The following CPA6 variants were observed in gnomAD, a reference collection of about 807,000 sequenced individuals.
The protein encoded by CPA6 is carboxypeptidase B.
CPA6 carries 58 observed loss-of-function variants against 63.3 expected under a neutral mutation model. The observed-to-expected ratio is 0.92, with a 90% CI of 0.74 to 1.14. The LOEUF (loss-of-function observed/expected upper bound fraction) is 1.14. CPA6 is among the 50% of genes most tolerant of loss of function. The pLI is 0.00. For synonymous variants in CPA6, 185 were observed against 179.0 expected, an observed-to-expected ratio of 1.03 and a Z score of -0.27; for missense variants, 565 against 526.6, an observed-to-expected ratio of 1.07 and a Z score of -0.71.
intron 1 of CPA6, among the ~76,000 whole-genome samples, chr8:67,705,458 G>T (rs1279050575): frequency 6.6e-6 from 1 of 152,134 alleles, no homozygotes; most frequent in African/African-American, 2.4e-5. Context: ...CCAGGTAATG[G>T]GGGCAAATGG....
chr8:67,533,930 G>T (rs1279660387), intron 2 of CPA6, among the ~76,000 whole-genome samples: 1 of 152,192 alleles, frequency 6.6e-6, no homozygotes, highest in Non-Finnish European at 1.5e-5. Context: ...ATCCTATGTA[G>T]GGCAAGCCAC....
chr8:67,592,523 C>A (rs985726968), intron 2 of CPA6, among the ~76,000 whole-genome samples: 1 of 151,402 alleles, frequency 6.6e-6, no homozygotes, highest in Non-Finnish European at 1.5e-5. Flanking sequence ...GTCCTGGACT[C>A]TTTTTGGTTG....
chr8:67,693,327 G>A (rs1473303062), intron 1 of CPA6, among the ~76,000 whole-genome samples: 1 of 152,196 alleles, frequency 6.6e-6, no homozygotes, highest in African/African-American at 2.4e-5. Context: ...TCCCCTAAGT[G>A]TATAAACTAC....
chr8:67,684,055 A>T lies in CPA6; in HGVS notation c.117-59804T>A, dbSNP rs866246986. 3.3e-3 allele frequency among the ~76,000 whole-genome samples: 424 copies of T among 127,564 alleles called. 3 individuals carry two copies. Among genetic ancestry groups the T allele is most frequent in the Admixed American group, 5.0e-3 (63 of 12,592 alleles). The allele number at this position is 127,564 out of a possible 152,430, so 83.7% of individuals were successfully genotyped here. On this transcript the variant is annotated intron_variant, in intron 1 of 10. Transcript: ENST00000297770. ...TAATTTTTATTTTATTTATTTATTTATTTTTTTTTTTTGTAGAGATGGGGT... is the reference window on the plus strand; with the variant it reads ...TAATTTTTATTTTATTTATTTATTTTTTTTTTTTTTTTGTAGAGATGGGGT...
At chr8:67,422,729 TAAAG>T in intron 10 of CPA6, 38 bp from the exon 11 acceptor site, 5 of 1,505,348 alleles carry the variant, frequency 3.3e-6, no homozygotes, top group Non-Finnish European at 4.5e-6. Flanking sequence ...TCAGCCTCAC[TAAAG>T]AGTCAGTATA....
chr8:67,563,289 C>T (rs183249463), intron 2 of CPA6, among the ~76,000 whole-genome samples: 1 of 152,108 alleles, frequency 6.6e-6, no homozygotes, highest in Non-Finnish European at 1.5e-5. Flanking sequence ...GAGACAGCTG[C>T]CTGGGTTGCA....
intron 1 of CPA6, among the ~76,000 whole-genome samples, chr8:67,670,950 T>C (rs559473573): frequency 6.6e-6 from 1 of 152,350 alleles, no homozygotes; most frequent in Non-Finnish European, 1.5e-5. Flanking sequence ...GTGTTAATAA[T>C]TCATCTGTAG....
intron 8 of CPA6, among the ~76,000 whole-genome samples, chr8:67,455,245 G>T (rs113670034): frequency 0.035 from 5,401 of 152,190 alleles, 291 homozygotes; most frequent in African/African-American, 0.12. Flanking sequence ...GCATCACGAA[G>T]CAGCGCAGTG....
chr8:67,577,487 A>G (rs919509644), intron 2 of CPA6, among the ~76,000 whole-genome samples: 1 of 152,164 alleles, frequency 6.6e-6, no homozygotes, highest in African/African-American at 2.4e-5. Flanking sequence ...CACTACTCCC[A>G]TATACTGATT....
At chr8:67,734,041 C>G (rs1817767237) in intron 1 of CPA6, among the ~76,000 whole-genome samples, 1 of 60,162 alleles carries the variant, frequency 1.7e-5, no homozygotes, top group African/African-American at 4.3e-5. Context: ...ACCTAGCAAA[C>G]TTAATTTTTT....
chr8:67,519,785 A>C (rs1312473992), intron 2 of CPA6, among the ~76,000 whole-genome samples: 1 of 152,210 alleles, frequency 6.6e-6, no homozygotes, highest in Non-Finnish European at 1.5e-5. Flanking sequence ...TCTCCCCAAT[A>C]GGTGTGTCTA....
intron 1 of CPA6, among the ~76,000 whole-genome samples, chr8:67,736,308 C>T (rs565406133): frequency 6.6e-6 from 1 of 152,246 alleles, no homozygotes; most frequent in South Asian, 2.1e-4. Flanking sequence ...CCCACATTGC[C>T]CTCACCCCCA....
chr8:67,738,938 G>A (rs1817864367), intron 1 of CPA6, among the ~76,000 whole-genome samples: 2 of 150,992 alleles, frequency 1.3e-5, no homozygotes, highest in Non-Finnish European at 3.0e-5. Context: ...CATTTACAAA[G>A]ACAAAAAAAA....
At chr8:67,619,393 G>A (rs1815028932) in intron 2 of CPA6, among the ~76,000 whole-genome samples, 1 of 152,150 alleles carries the variant, frequency 6.6e-6, no homozygotes, top group African/African-American at 2.4e-5. Context: ...GTCCCGACAT[G>A]GCTGGCTAGA....
chr8:67,526,634 T>A (rs1812369993), intron 2 of CPA6, among the ~76,000 whole-genome samples: 1 of 152,122 alleles, frequency 6.6e-6, no homozygotes, highest in African/African-American at 2.4e-5. Context: ...TCACAGAGGA[T>A]GGGTGGGAAC....
intron 2 of CPA6, among the ~76,000 whole-genome samples, chr8:67,579,487 TATC>T (rs779753893): frequency 3.9e-5 from 6 of 152,206 alleles, no homozygotes; most frequent in East Asian, 3.8e-4. Flanking sequence ...TCCATCAGAT[TATC>T]ATGTCAAATT....
intron 1 of CPA6, among the ~76,000 whole-genome samples, chr8:67,722,756 T>A (rs1046153043): frequency 6.6e-6 from 1 of 152,118 alleles, no homozygotes; most frequent in Admixed American, 6.6e-5. Context: ...GAAGAAGAGA[T>A]GCCAGGAACA....
At chr8:67,430,882 G>C (rs1810012158) in intron 9 of CPA6, among the ~76,000 whole-genome samples, 1 of 151,694 alleles carries the variant, frequency 6.6e-6, no homozygotes, top group South Asian at 2.1e-4. Flanking sequence ...CTTTCTTTGA[G>C]ACAGGGTCTC....
chr8:67,548,057 T>C (rs972012794), intron 2 of CPA6, among the ~76,000 whole-genome samples: 1 of 152,010 alleles, frequency 6.6e-6, no homozygotes, highest in African/African-American at 2.4e-5. Context: ...GGAACTTCAC[T>C]TTTCTTTTCT....
Sources: allele counts gnomAD v4.1 joint callset (sites outside exome capture counted in the v4.1 genomes callset), GRCh38; gene constraint gnomAD v4.1.1; transcripts MANE v1.5; gene names NCBI Gene and HGNC (gene_info 2026-07-23, HGNC 2026-07-21).